GULP1: variants seen among roughly 807,000 people sequenced by gnomAD.
The protein encoded by GULP1 is PTB domain-containing engulfment adapter protein 1.
A neutral mutation model predicts 40.9 loss-of-function variants in GULP1; 19 were observed. That is an observed-to-expected ratio of 0.46 (90% confidence interval 0.32 to 0.68). The LOEUF (loss-of-function observed/expected upper bound fraction) is 0.68. Ranked by LOEUF, GULP1 falls within the 30% of genes least tolerant of loss-of-function variation. The probability of loss-of-function intolerance (pLI) is 0.03; values close to 1 mark genes in which losing one functional copy is unlikely to be tolerated. For missense variants in GULP1, 312 were observed against 362.2 expected (o/e 0.86, Z 1.12); for synonymous variants, 119 against 117.6 (o/e 1.01, Z -0.08).
chr2:188,578,962 C>T (rs1329846944), intron 9 of GULP1, among the ~76,000 whole-genome samples: 2 of 152,092 alleles, frequency 1.3e-5, no homozygotes, highest in African/African-American at 2.4e-5. Context: ...AACCTAAGTG[C>T]GAAATTGTCA....
intron 2 of GULP1, among the ~76,000 whole-genome samples, chr2:188,449,831 T>G (rs958004751): frequency 7.9e-5 from 12 of 152,182 alleles, no homozygotes; most frequent in Admixed American, 7.9e-4. Flanking sequence ...AAATTGGTTT[T>G]CCTTGAAGTT....
intron 7 of GULP1, among the ~76,000 whole-genome samples, chr2:188,549,752 T>C (rs1450375418): frequency 1.3e-5 from 2 of 151,890 alleles, no homozygotes; most frequent in East Asian, 3.9e-4. Flanking sequence ...TGAAGGGACA[T>C]TACTTAGCAA....
chr2:188,429,597 A>G (rs771401661), intron 2 of GULP1, among the ~76,000 whole-genome samples: 1 of 152,204 alleles, frequency 6.6e-6, no homozygotes, highest in Non-Finnish European at 1.5e-5. Context: ...TAACAGCACA[A>G]AGTAGTTTGG....
At chr2:188,591,759 A>G (rs1317863657) in intron 11 of GULP1, 2 of 151,748 alleles carry the variant, frequency 1.3e-5, no homozygotes, top group East Asian at 3.9e-4. Flanking sequence ...TATAGATAGA[A>G]AAAAAGACAT....
intron 1 of GULP1, among the ~76,000 whole-genome samples, chr2:188,349,245 C>T (rs2044121560): frequency 6.6e-6 from 1 of 152,098 alleles, no homozygotes; most frequent in Non-Finnish European, 1.5e-5. Flanking sequence ...GACACAGTTT[C>T]TCTTGGGTAT....
chr2:188,511,907 G>A (rs1351978968), intron 4 of GULP1, among the ~76,000 whole-genome samples: 1 of 151,980 alleles, frequency 6.6e-6, no homozygotes, highest in South Asian at 2.1e-4. Context: ...AAAATTTAAA[G>A]TATAACCTTT....
rs957897498 is a variant in GULP1, at chr2:188,387,008, G to A, written c.-45+3119G>A. Among the ~76,000 whole-genome samples, 12 of 151,950 alleles carry A rather than the reference G, an allele frequency of 7.9e-5. No individual in the cohort carries two copies. The South Asian group carries it at 1.0e-3, about 13-fold the overall frequency. On this transcript the variant is annotated intron_variant, in intron 2 of 11. Coordinates refer to ENST00000409830, the MANE Select transcript of GULP1 (RefSeq NM_016315.4). ...ATCCTGCACTTTGGGAGGCCAAGTC[G>A]GTGGATTAACTGAGGTCAGGAGGTC...
rs769511591 is a variant in GULP1, at chr2:188,483,474, C to A, written c.72C>A (p.Phe24Leu). 1.3e-6 allele frequency: 2 copies of A among 1,485,356 alleles called. No homozygotes were observed. Among genetic ancestry groups the A allele is most frequent in the Admixed American group, 1.7e-5 (1 of 58,776 alleles). The allele number at this position is 1,485,356 out of a possible 1,614,324, so 92.0% of individuals were successfully genotyped here. Reference sequence around the variant, plus strand: ...CACCTGAAGCTTTATCAAAACATTTCATTCCCTATAATGCAAAGGTAAAAA... The same window carrying A: ...CACCTGAAGCTTTATCAAAACATTTAATTCCCTATAATGCAAAGGTAAAAA... ...MHTPEALSKH[F>L]IPYNAKFLGS... Residue 24 changes from phenylalanine to leucine, a missense_variant, in exon 4 of 12, where the codon TTC becomes TTA. Physicochemically the swap from Phe to Leu is conservative, Grantham distance 22 (BLOSUM62 0). Coordinates refer to ENST00000409830, the MANE Select transcript of GULP1 (RefSeq NM_016315.4).
chr2:188,477,834 C>T (rs1342437394), intron 3 of GULP1, 104 bp downstream of exon 3: 4 of 830,032 alleles, frequency 4.8e-6, no homozygotes, highest in Non-Finnish European at 5.8e-6. Flanking sequence ...AACCACCTGG[C>T]CCAGAAATGA....
At chr2:188,393,867 G>A (rs1205381202) in intron 2 of GULP1, among the ~76,000 whole-genome samples, 1 of 152,164 alleles carries the variant, frequency 6.6e-6, no homozygotes, top group Non-Finnish European at 1.5e-5. Context: ...CTCCTGCCTG[G>A]TAAGGTTTTT....
chr2:188,485,356 TA>T (rs2061774737), intron 4 of GULP1, among the ~76,000 whole-genome samples: 1 of 152,002 alleles, frequency 6.6e-6, no homozygotes, highest in Non-Finnish European at 1.5e-5. Context: ...CTGGGAACAG[TA>T]AAATATGGAA....
intron 1 of GULP1, among the ~76,000 whole-genome samples, chr2:188,374,898 ACT>A (rs1404622978): frequency 6.6e-6 from 1 of 152,190 alleles, no homozygotes; most frequent in African/African-American, 2.4e-5. Flanking sequence ...TGAAATGCAC[ACT>A]GTTATGTGAA....
At chr2:188,460,573 A>G (rs1309652380) in intron 2 of GULP1, among the ~76,000 whole-genome samples, 1 of 152,102 alleles carries the variant, frequency 6.6e-6, no homozygotes, top group Non-Finnish European at 1.5e-5. Flanking sequence ...GTTTTTCCAA[A>G]TATAATATCC....
intron 7 of GULP1, among the ~76,000 whole-genome samples, chr2:188,557,436 A>G (rs1280743570): frequency 1.3e-5 from 2 of 152,238 alleles, no homozygotes; most frequent in East Asian, 3.9e-4. Flanking sequence ...ACACAATCCC[A>G]AAATCCAGCA....
chr2:188,521,288 T>A (rs1020820761), intron 4 of GULP1, among the ~76,000 whole-genome samples: 4 of 152,192 alleles, frequency 2.6e-5, no homozygotes, highest in Non-Finnish European at 4.4e-5. Flanking sequence ...TAGGAGGTAT[T>A]ATATCTTTCC....
chr2:188,587,231 T>C (rs935209297), intron 10 of GULP1, among the ~76,000 whole-genome samples: 1 of 152,114 alleles, frequency 6.6e-6, no homozygotes, highest in African/African-American at 2.4e-5. Flanking sequence ...CAGAAAGCTT[T>C]TTTGACATTG....
rs1704252327 is a variant in GULP1, at chr2:188,595,147, A to G, written c.*1136A>G. On this transcript the variant is annotated 3_prime_UTR_variant, in exon 12 of 12. Transcript: ENST00000409830. ...CTTGCATTTCATTATTGATGTGCTG[A>G]TGAACCTGGACTTTTAAAAATATTT... 1 of 150,966 alleles carries G rather than the reference A, an allele frequency of 6.6e-6. No homozygotes were observed. Among genetic ancestry groups the G allele is most frequent in the Admixed American group, 6.6e-5 (1 of 15,096 alleles). The allele number at this position is 150,966 out of a possible 1,614,324, so 9.4% of individuals were successfully genotyped here.
intron 1 of GULP1, chr2:188,294,210 T>G (rs1338924565): frequency 6.6e-6 from 1 of 152,212 alleles, no homozygotes; most frequent in African/African-American, 2.4e-5. Flanking sequence ...CAGCAAGAAT[T>G]GAAGACTTAA....
At chr2:188,308,069 C>CTCAAGAGTTATTTCATTT in intron 1 of GULP1, among the ~76,000 whole-genome samples, 1 of 14,912 alleles carries the variant, frequency 6.7e-5, no homozygotes, top group Non-Finnish European at 1.4e-4. Flanking sequence ...TCACTCAGCT[C>CTCAAGAGTTATTTCATTT]TTGATCATGA....
Sources: allele counts gnomAD v4.1 joint callset (sites outside exome capture counted in the v4.1 genomes callset), GRCh38; gene constraint gnomAD v4.1.1; transcripts MANE v1.5; gene names NCBI Gene and HGNC (gene_info 2026-07-23, HGNC 2026-07-21).